Variants in CTNND2 observed in about 807,000 individuals in gnomAD.
CTNND2 encodes the protein catenin delta-2.
CTNND2 carries 22 observed loss-of-function variants against 144.4 expected under a neutral mutation model. That is an observed-to-expected ratio of 0.15 (90% confidence interval 0.11 to 0.22). CTNND2 has a LOEUF of 0.22. Among genes scored for constraint, CTNND2 ranks in the 10% least tolerant of loss-of-function variants. The probability of loss-of-function intolerance (pLI) is 1.00; values close to 1 mark genes in which losing one functional copy is unlikely to be tolerated. For synonymous variants in CTNND2, 751 were observed against 695.6 expected (o/e 1.08, Z -1.25); for missense variants, 1,353 against 1,618.8 (o/e 0.84, Z 2.82).
At chr5:11,157,270 G>A (rs6886717) in intron 12 of CTNND2, among the ~76,000 whole-genome samples, 17,510 of 152,064 alleles carry the variant, frequency 0.12, 1,142 homozygotes, top group African/African-American at 0.17. Context: ...TCCTTTCAAC[G>A]CTGGGTAGCG....
intron 21 of CTNND2, among the ~76,000 whole-genome samples, chr5:10,974,487 T>C (rs144383833): frequency 6.6e-6 from 1 of 152,356 alleles, no homozygotes; most frequent in East Asian, 1.9e-4. Flanking sequence ...ACCTTTTAGC[T>C]GCTGTAAATA....
chr5:11,397,096 T>C lies in CTNND2; in HGVS notation c.547A>G (p.Thr183Ala). 6.2e-7 allele frequency: 1 copy of C among 1,614,112 alleles called. No homozygotes were observed. The highest frequency in any genetic ancestry group is 8.5e-7 in the Non-Finnish European group (1 of 1,180,026). ...CGGGCCGGGAGCTGTGAAGGGGTGG[T>C]TTCCCCCAGGGCCAGGGTCTGGTTG... ...HSNQTLALGETTPSQLPARGT... is the reference protein window; with the variant it reads ...HSNQTLALGEATPSQLPARGT... Residue 183 changes from threonine (T) to alanine (A), a missense_variant, in exon 6 of 22, where the codon ACC (threonine) becomes GCC (alanine). By Grantham distance (58) the Thr-to-Ala change is moderately conservative (BLOSUM62 0). This residue lies in a region of CTNND2 where 708 missense variants were observed against 706.4 expected (regional missense o/e 1.00). Coordinates refer to ENST00000304623, the MANE Select transcript of CTNND2 (RefSeq NM_001332.4).
intron 7 of CTNND2, among the ~76,000 whole-genome samples, chr5:11,379,700 T>A (rs538540559): frequency 4.1e-4 from 62 of 152,274 alleles, no homozygotes; most frequent in African/African-American, 1.3e-3. Context: ...GAAAGAGTTT[T>A]AAGAAGCAGT....
intron 1 of CTNND2, among the ~76,000 whole-genome samples, chr5:11,783,085 A>G (rs4524510): frequency 0.88 from 130,925 of 149,480 alleles, 59,132 homozygotes; most frequent in South Asian, 0.99. Flanking sequence ...AATTATGAAG[A>G]GGCTCATGGA....
chr5:11,501,707 C>A (rs1031651095), intron 3 of CTNND2, among the ~76,000 whole-genome samples: 9 of 152,042 alleles, frequency 5.9e-5, no homozygotes, highest in African/African-American at 1.9e-4. Flanking sequence ...GAGATTAGTG[C>A]CCTCATAAGA....
intron 3 of CTNND2, among the ~76,000 whole-genome samples, chr5:11,423,299 G>C (rs977307198): frequency 6.6e-6 from 1 of 152,196 alleles, no homozygotes; most frequent in African/African-American, 2.4e-5. Context: ...GTCAGATGTT[G>C]ATTAACTTGA....
chr5:11,170,073 C>G (rs908489091), intron 11 of CTNND2, among the ~76,000 whole-genome samples: 2 of 152,170 alleles, frequency 1.3e-5, no homozygotes, highest in African/African-American at 4.8e-5. Context: ...GTCCATTTTA[C>G]AGATGAGGAA....
intron 3 of CTNND2, among the ~76,000 whole-genome samples, chr5:11,423,189 C>A: frequency 6.6e-6 from 1 of 152,152 alleles, no homozygotes; most frequent in South Asian, 2.1e-4. Context: ...CTTTCCAAAC[C>A]ATCAAACTGA....
chr5:11,822,246 C>T (rs1793354368), intron 1 of CTNND2, among the ~76,000 whole-genome samples: 2 of 152,134 alleles, frequency 1.3e-5, no homozygotes, highest in Non-Finnish European at 2.9e-5. Context: ...ATTAATGTGG[C>T]AGTAACTGTC....
chr5:11,634,590 T>C (rs1400479815), intron 2 of CTNND2, among the ~76,000 whole-genome samples: 1 of 152,042 alleles, frequency 6.6e-6, no homozygotes, highest in Non-Finnish European at 1.5e-5. Flanking sequence ...CCACACTGAG[T>C]TTTGAAAGTC....
intron 3 of CTNND2, among the ~76,000 whole-genome samples, chr5:11,540,420 AAG>A (rs1034868560): frequency 5.9e-5 from 9 of 152,138 alleles, no homozygotes; most frequent in African/African-American, 2.2e-4. Flanking sequence ...CATTTTTTCC[AAG>A]AGTCACTGGG....
intron 2 of CTNND2, among the ~76,000 whole-genome samples, chr5:11,662,173 A>ATATG (rs1215106409): frequency 6.9e-6 from 1 of 144,416 alleles, no homozygotes. Flanking sequence ...ATATGTGTAT[A>ATATG]TATACATATA....
At chr5:11,326,204 C>A (rs750049779) in intron 9 of CTNND2, among the ~76,000 whole-genome samples, 7 of 152,166 alleles carry the variant, frequency 4.6e-5, no homozygotes, top group Non-Finnish European at 1.0e-4. Context: ...GGTTGTGGTA[C>A]CCTCTTTCAC....
chr5:11,397,983 A>C (rs1760294938), intron 5 of CTNND2, among the ~76,000 whole-genome samples: 1 of 152,182 alleles, frequency 6.6e-6, no homozygotes, highest in Non-Finnish European at 1.5e-5. Context: ...TTTTTAAGCA[A>C]ATTTTCTTTG....
chr5:11,077,172 T>C (rs992711670), intron 16 of CTNND2, among the ~76,000 whole-genome samples: 4 of 152,220 alleles, frequency 2.6e-5, no homozygotes, highest in Admixed American at 2.6e-4. Context: ...TTGGGCATTG[T>C]TCTAGGTACA....
intron 2 of CTNND2, among the ~76,000 whole-genome samples, chr5:11,572,321 C>T (rs1777626063): frequency 6.6e-6 from 1 of 152,102 alleles, no homozygotes; most frequent in Non-Finnish European, 1.5e-5. Flanking sequence ...GTCTGAAGTC[C>T]CATACTTCAG....
At chr5:11,032,368 T>C (rs1743572777) in intron 16 of CTNND2, among the ~76,000 whole-genome samples, 1 of 152,230 alleles carries the variant, frequency 6.6e-6, no homozygotes. Context: ...TTGGGAAGTA[T>C]TTGGAGCTTA....
chr5:11,396,620 A>C (rs1760163020), intron 6 of CTNND2, among the ~76,000 whole-genome samples: 1 of 152,190 alleles, frequency 6.6e-6, no homozygotes, highest in Middle Eastern at 3.2e-3. Flanking sequence ...TTGATATCAA[A>C]AACCACAAAG....
At chr5:11,292,873 G>C (rs1205076160) in intron 9 of CTNND2, among the ~76,000 whole-genome samples, 1 of 152,152 alleles carries the variant, frequency 6.6e-6, no homozygotes, top group Admixed American at 6.6e-5. Flanking sequence ...AGAGCTTTCA[G>C]AGGGAATCTG....
Sources: allele counts gnomAD v4.1 joint callset (sites outside exome capture counted in the v4.1 genomes callset), GRCh38; gene constraint gnomAD v4.1.1; regional missense constraint gnomAD v4.1.1; transcripts MANE v1.5; gene names NCBI Gene and HGNC (gene_info 2026-07-23, HGNC 2026-07-21).